SSB: variants seen among roughly 807,000 people sequenced by gnomAD.
The protein encoded by SSB is lupus La protein.
In SSB, 17 loss-of-function variants were observed where a neutral mutation model predicts 52.9. The ratio of observed to expected loss-of-function variants is 0.32; its 90% CI spans 0.22 to 0.48. The LOEUF is 0.48. Ranked by LOEUF, SSB falls within the 20% of genes least tolerant of loss-of-function variation. The pLI, the probability that SSB is intolerant of heterozygous loss-of-function variation, is 0.99. For synonymous variants in SSB, 111 were observed against 152.1 expected (o/e 0.73, Z 1.99); for missense variants, 314 against 463.6 (o/e 0.68, Z 2.96).
intron 1 of SSB, chr2:169,799,278 CTTT>C (rs55750138): frequency 0.13 from 12,993 of 103,226 alleles, 711 homozygotes; most frequent in East Asian, 0.16. Context: ...CCCATTGCGT[CTTT>C]TTTTTTTTTT....
At chr2:169,809,788 A>AT (rs576115872) in intron 8 of SSB, among the ~76,000 whole-genome samples, 8,171 of 149,456 alleles carry the variant, frequency 0.055, 237 homozygotes, top group Non-Finnish European at 0.078. Context: ...AATTTTTTGT[A>AT]TTTTTTTTTA....
rs1033002954 is a variant in SSB, at chr2:169,811,935, TTC to T, written c.*181_*182del. The T allele has an allele frequency of 1.5e-5, 22 of 1,490,988 alleles. No individual in the cohort carries two copies. Among genetic ancestry groups the T allele is most frequent in the Middle Eastern group, 3.6e-4 (2 of 5,628 alleles). The allele number at this position is 1,490,988 out of a possible 1,614,324, so 92.4% of individuals were successfully genotyped here. A position where few individuals can be genotyped will look rare whatever the true frequency, so the allele number is the denominator to read the frequency against. ...AAATGAGATTTCTTTGAATGTATTG[TTC>T]TGTTTGTGTTATTTCAGATGATTCA... On this transcript the variant is annotated 3_prime_UTR_variant, in exon 12 of 12. Coordinates refer to ENST00000260956, the MANE Select transcript of SSB (RefSeq NM_003142.5).
At position 169,806,804 on chromosome 2, in the gene SSB, C is replaced by T; in HGVS notation, c.365C>T (p.Ala122Val). 1.2e-6 allele frequency: 2 copies of T among 1,610,962 alleles called. No homozygotes were observed. Among genetic ancestry groups the T allele is most frequent in the Non-Finnish European group, 1.7e-6 (2 of 1,179,150 alleles). Reference protein sequence around the residue: ...SVYIKGFPTDATLDDIKEWLE... With the variant: ...SVYIKGFPTDVTLDDIKEWLE... ...TCACAGAAAGGCTTCCCAACTGATGCAACTCTTGATGACATAAAAGAATGG... is the reference window on the plus strand; with the variant it reads ...TCACAGAAAGGCTTCCCAACTGATGTAACTCTTGATGACATAAAAGAATGG... The change falls in exon 5 of 12, where the codon GCA (alanine) becomes GTA (valine). Residue 122 changes from alanine (A) to valine (V), a missense_variant. Ala to Val is a moderately conservative substitution (Grantham distance 64, BLOSUM62 0). Coordinates refer to ENST00000260956, the MANE Select transcript of SSB (RefSeq NM_003142.5).
intron 6 of SSB, 117 bp from the exon 7 acceptor site, chr2:169,808,365 T>C (rs1689871163): frequency 1.4e-6 from 1 of 695,640 alleles, no homozygotes; most frequent in East Asian, 2.8e-5. Flanking sequence ...TTGATGATTA[T>C]GTTGATAGTA....
intron 4 of SSB, 36 bp from the exon 5 acceptor site, chr2:169,806,749 A>T (rs762520178): frequency 1.3e-6 from 2 of 1,493,016 alleles, no homozygotes; most frequent in Non-Finnish European, 1.8e-6. Flanking sequence ...AGAAGTCATT[A>T]TTTGTTATTT....
intron 8 of SSB, among the ~76,000 whole-genome samples, chr2:169,809,146 C>T (rs531181654): frequency 9.9e-4 from 151 of 152,282 alleles, no homozygotes; most frequent in Non-Finnish European, 1.4e-3. Context: ...TTTGGAAGGC[C>T]GAGGCGGGCA....
chr2:169,805,324 A>G (rs1689807248), intron 2 of SSB, 150 bp from the exon 3 acceptor site: 3 of 580,132 alleles, frequency 5.2e-6, no homozygotes, highest in African/African-American at 1.9e-5. Flanking sequence ...CTTTTTGCTA[A>G]TTTGTAAACA....
intron 6 of SSB, among the ~76,000 whole-genome samples, chr2:169,807,591 T>A (rs927705352): frequency 5.9e-5 from 9 of 152,208 alleles, no homozygotes; most frequent in South Asian, 2.1e-4. Context: ...GCCCAGCCAC[T>A]GTTAGCCATT....
chr2:169,811,467 A>T, intron 11 of SSB, 144 bp downstream of exon 11: 1 of 1,285,596 alleles, frequency 7.8e-7, no homozygotes, highest in Non-Finnish European at 1.0e-6. Flanking sequence ...TACCTCGGTT[A>T]TGCTGTTGTA....
chr2:169,806,286 G>A (rs1430126115), intron 4 of SSB, among the ~76,000 whole-genome samples: 1 of 152,040 alleles, frequency 6.6e-6, no homozygotes, highest in South Asian at 2.1e-4. Flanking sequence ...CTTCATAAAC[G>A]TGGATATTTT....
chr2:169,806,337 T>C (rs528358511), intron 4 of SSB, among the ~76,000 whole-genome samples: 1 of 152,204 alleles, frequency 6.6e-6, no homozygotes, highest in Non-Finnish European at 1.5e-5. Context: ...TGAAAAAAAA[T>C]ATATATACCA....
chr2:169,808,479 T>G lies in SSB; in HGVS notation c.555-3T>G. ...CTTAGCCTCTGTACTGTGTGTTCTT[T>G]AGGGACGATTACTTTGCCAAAAAAA... On this transcript the variant is annotated splice_polypyrimidine_tract_variant and splice_region_variant and intron_variant, in intron 6 of 11. Transcript: ENST00000260956. The G allele has an allele frequency of 6.2e-7, 1 of 1,613,124 alleles. No homozygotes were observed. Among genetic ancestry groups the G allele is most frequent in the Non-Finnish European group, 8.5e-7 (1 of 1,179,190 alleles).
intron 1 of SSB, among the ~76,000 whole-genome samples, chr2:169,800,543 A>AAAAAAAAAAAAAAAAAAAAC: frequency 6.6e-6 from 1 of 150,816 alleles, no homozygotes; most frequent in African/African-American, 2.4e-5. Context: ...TCAAAAAAAA[A>AAAAAAAAAAAAAAAAAAAAC]AAAAAAAAAA....
chr2:169,809,508 A>ATACTAAC (rs1573962074), intron 8 of SSB, among the ~76,000 whole-genome samples: 3 of 152,242 alleles, frequency 2.0e-5, no homozygotes, highest in African/African-American at 7.2e-5. Context: ...TCATAGGTTA[A>ATACTAAC]TACTAACATG....
At chr2:169,807,296 C>CT (rs1394678066) in intron 6 of SSB, among the ~76,000 whole-genome samples, 74 of 148,020 alleles carry the variant, frequency 5.0e-4, no homozygotes, top group East Asian at 9.8e-4. Flanking sequence ...TTTTCTTTTT[C>CT]TTTTTTTTTT....
At chr2:169,800,659 T>C (rs1009102366) in intron 1 of SSB, among the ~76,000 whole-genome samples, 10 of 152,244 alleles carry the variant, frequency 6.6e-5, no homozygotes, top group Non-Finnish European at 8.8e-5. Flanking sequence ...GGAGTTTTTT[T>C]CCCTAAAGCT....
rs55845251 is a variant in SSB at position 169,807,737 on chromosome 2, CTTTTTTTTTTT to C, written c.554+679_554+689del. 6.8e-5 allele frequency among the ~76,000 whole-genome samples: 5 copies of C among 74,046 alleles called. No homozygotes were observed. The Admixed American group carries it at 8.3e-4, about 12-fold the overall frequency. 48.6% of individuals were successfully genotyped at this position (74,046 alleles called of 152,430 possible). A position where few individuals can be genotyped will look rare whatever the true frequency, so the allele number is the denominator to read the frequency against. On this transcript the variant is annotated intron_variant, in intron 6 of 11. Coordinates refer to ENST00000260956, the MANE Select transcript of SSB (RefSeq NM_003142.5). ...ATCTTATTTTTCATAGCCTATATGT[CTTTTTTTTTTT>C]TTTTTTTTTTTTACAGTACAAAGGA...
intron 1 of SSB, 102 bp from the exon 2 acceptor site, chr2:169,800,850 A>G (rs1689698195): frequency 1.2e-6 from 1 of 834,920 alleles, no homozygotes; most frequent in African/African-American, 1.8e-5. Context: ...GAAATTCTTG[A>G]TTTTTTAAGA....
intron 2 of SSB, among the ~76,000 whole-genome samples, chr2:169,802,965 T>C (rs1476074747): frequency 6.6e-6 from 1 of 152,226 alleles, no homozygotes; most frequent in Non-Finnish European, 1.5e-5. Context: ...TGACAAATAT[T>C]CTTATATATA....
Sources: allele counts gnomAD v4.1 joint callset (sites outside exome capture counted in the v4.1 genomes callset), GRCh38; gene constraint gnomAD v4.1.1; transcripts MANE v1.5; gene names NCBI Gene and HGNC (gene_info 2026-07-23, HGNC 2026-07-21).